Variants in BRINP3 observed in about 807,000 individuals in gnomAD.
BRINP3 encodes the protein BMP/retinoic acid-inducible neural-specific protein 3.
BRINP3 carries 19 observed loss-of-function variants against 71.0 expected under a neutral mutation model. The observed-to-expected ratio is 0.27, with a 90% CI of 0.19 to 0.39. The LOEUF (loss-of-function observed/expected upper bound fraction) is 0.39. Ranked by LOEUF, BRINP3 falls within the 10% of genes least tolerant of loss-of-function variation. The pLI is 1.00. For missense variants in BRINP3, 959 were observed against 940.8 expected (o/e 1.02, Z -0.25); for synonymous variants, 380 against 337.7 (o/e 1.13, Z -1.37).
At chr1:190,122,161 T>G (rs2102321783) in intron 7 of BRINP3, among the ~76,000 whole-genome samples, 1 of 152,294 alleles carries the variant, frequency 6.6e-6, no homozygotes, top group South Asian at 2.1e-4. Context: ...AGTATCATTT[T>G]CTGCCATCGG....
chr1:190,271,079 A>C (rs1327876190), intron 3 of BRINP3, among the ~76,000 whole-genome samples: 1 of 151,660 alleles, frequency 6.6e-6, no homozygotes, highest in Non-Finnish European at 1.5e-5. Context: ...ATTTTCAGTA[A>C]GTCTCCCTTT....
chr1:190,197,063 C>T (rs1016184610), intron 6 of BRINP3, among the ~76,000 whole-genome samples: 5 of 151,958 alleles, frequency 3.3e-5, no homozygotes, highest in African/African-American at 4.8e-5. Context: ...CACAGTTCCA[C>T]ATTGTGAGGC....
At chr1:190,376,047 T>G (rs905924882) in intron 2 of BRINP3, among the ~76,000 whole-genome samples, 1 of 151,992 alleles carries the variant, frequency 6.6e-6, no homozygotes, top group Non-Finnish European at 1.5e-5. Flanking sequence ...CTAATGACTG[T>G]GGACATCTTT....
chr1:190,409,118 C>T (rs1384257401), intron 2 of BRINP3, among the ~76,000 whole-genome samples: 3 of 152,042 alleles, frequency 2.0e-5, no homozygotes, highest in Non-Finnish European at 4.4e-5. Flanking sequence ...AACCTTCTAT[C>T]CAGCCAGGTG....
chr1:190,383,552 A>G (rs962670965), intron 2 of BRINP3, among the ~76,000 whole-genome samples: 4 of 152,076 alleles, frequency 2.6e-5, no homozygotes, highest in Admixed American at 2.6e-4. Flanking sequence ...ATAGTGTTAG[A>G]GAGTATATCA....
chr1:190,333,062 T>C (rs966418261), intron 2 of BRINP3, among the ~76,000 whole-genome samples: 41 of 152,116 alleles, frequency 2.7e-4, no homozygotes, highest in African/African-American at 8.2e-4. Flanking sequence ...TTGTTGATAA[T>C]AGTAACAAGT....
At chr1:190,442,418 A>G (rs1674886511) in intron 2 of BRINP3, among the ~76,000 whole-genome samples, 1 of 152,164 alleles carries the variant, frequency 6.6e-6, no homozygotes, top group Non-Finnish European at 1.5e-5. Flanking sequence ...TTAGCTACTA[A>G]TATCTGTTTA....
At chr1:190,106,647 T>C (rs1442678571) in intron 7 of BRINP3, among the ~76,000 whole-genome samples, 1 of 151,414 alleles carries the variant, frequency 6.6e-6, no homozygotes, top group African/African-American at 2.4e-5. Context: ...TTGTAAAGGA[T>C]TTTTAAAAAC....
chr1:190,181,036 T>C (rs1238417356), intron 6 of BRINP3, among the ~76,000 whole-genome samples: 1 of 152,050 alleles, frequency 6.6e-6, no homozygotes, highest in East Asian at 1.9e-4. Context: ...TTCCACCTCT[T>C]TGCAGTTACA....
intron 7 of BRINP3, among the ~76,000 whole-genome samples, chr1:190,151,442 C>A (rs539539679): frequency 6.6e-6 from 1 of 152,206 alleles, no homozygotes; most frequent in Admixed American, 6.5e-5. Flanking sequence ...GTGATATCAG[C>A]AAATAATCAG....
At chr1:190,441,589 T>C (rs1437767394) in intron 2 of BRINP3, among the ~76,000 whole-genome samples, 2 of 152,128 alleles carry the variant, frequency 1.3e-5, no homozygotes, top group African/African-American at 2.4e-5. Context: ...GTGATGCAAA[T>C]GAATACATAG....
intron 6 of BRINP3, among the ~76,000 whole-genome samples, chr1:190,172,736 C>T (rs1241489816): frequency 6.6e-6 from 1 of 152,100 alleles, no homozygotes; most frequent in Non-Finnish European, 1.5e-5. Flanking sequence ...GAAGTGGAAG[C>T]CATCATCCTC....
At chr1:190,391,710 T>G (rs1671260963) in intron 2 of BRINP3, among the ~76,000 whole-genome samples, 1 of 151,622 alleles carries the variant, frequency 6.6e-6, no homozygotes, top group African/African-American at 2.4e-5. Context: ...GATCTAAATG[T>G]AGGAAATGTA....
At chr1:190,381,355 T>G (rs543771183) in intron 2 of BRINP3, among the ~76,000 whole-genome samples, 2 of 152,274 alleles carry the variant, frequency 1.3e-5, no homozygotes, top group Admixed American at 1.3e-4. Context: ...GCACAGACTT[T>G]CAGTGAGCAC....
At chr1:190,288,158 A>C in intron 2 of BRINP3, among the ~76,000 whole-genome samples, 1 of 152,166 alleles carries the variant, frequency 6.6e-6, no homozygotes, top group Non-Finnish European at 1.5e-5. Context: ...TTTAATTTCT[A>C]TCACAAATAT....
rs532931717 is a variant in BRINP3 at position 190,109,058 on chromosome 1, T to G, written c.1185-9924A>C. ...TGTAATTTTTGAACAGTAAATCCAC[T>G]TTGAAATCATTTGAATATCAGATAT... On this transcript the variant is annotated intron_variant, in intron 7 of 7. Transcript: ENST00000367462. Among the ~76,000 whole-genome samples, 5 of 152,302 alleles carry G rather than the reference T, an allele frequency of 3.3e-5. No individual in the cohort carries two copies. The East Asian group carries it at 9.7e-4, about 29-fold the overall frequency.
intron 1 of BRINP3, among the ~76,000 whole-genome samples, chr1:190,461,424 G>A (rs1353780860): frequency 6.6e-6 from 1 of 152,020 alleles, no homozygotes; most frequent in African/African-American, 2.4e-5. Context: ...AAAGTTGGTT[G>A]GTCATTTTTT....
chr1:190,235,726 A>T (rs950613270), intron 4 of BRINP3, among the ~76,000 whole-genome samples: 1 of 151,844 alleles, frequency 6.6e-6, no homozygotes. Context: ...CACTTCCTTC[A>T]AATTTTTGCT....
At chr1:190,369,227 TCC>T in intron 2 of BRINP3, among the ~76,000 whole-genome samples, 2 of 152,148 alleles carry the variant, frequency 1.3e-5, no homozygotes, top group Non-Finnish European at 2.9e-5. Context: ...TAATCGGGAC[TCC>T]AACATCATAT....
Sources: gnomAD v4.1 joint callset for allele counts (sites outside exome capture counted in the v4.1 genomes callset) on GRCh38, gnomAD v4.1.1 for gene constraint, MANE v1.5 for transcripts, NCBI Gene and HGNC (gene_info 2026-07-23, HGNC 2026-07-21) for gene names.